The following NSUN6 variants were observed in gnomAD, a reference collection of about 807,000 sequenced individuals.
NSUN6 encodes tRNA (cytosine(72)-C(5))-methyltransferase NSUN6.
Under a neutral mutation model 58.0 loss-of-function variants are expected in NSUN6, and 64 were observed. The ratio of observed to expected loss-of-function variants is 1.10; its 90% CI spans 0.90 to 1.36. The LOEUF (loss-of-function observed/expected upper bound fraction) is 1.36, where lower values mean the gene tolerates loss of function less well. Among genes scored for constraint, NSUN6 ranks in the 40% most tolerant of loss-of-function variants. NSUN6 has a pLI of 0.00. For missense variants in NSUN6, 701 were observed against 550.1 expected, an observed-to-expected ratio of 1.27 and a Z score of -2.74; for synonymous variants, 231 against 193.9, an observed-to-expected ratio of 1.19 and a Z score of -1.59.
chr10:18,648,477 A>T lies in NSUN6; in HGVS notation c.231+13T>A. On this transcript the variant is annotated intron_variant, in intron 2 of 10. Transcript: ENST00000377304. Reference sequence around the variant, plus strand: ...ATGTAATTATGTACAAATGACAGAAAATTTCCACAAACCTTCTGAAGTTCA... The same window carrying T: ...ATGTAATTATGTACAAATGACAGAATATTTCCACAAACCTTCTGAAGTTCA... 1 of 1,571,274 alleles carries T rather than the reference A, an allele frequency of 6.4e-7. No individual in the cohort carries two copies. Among genetic ancestry groups the T allele is most frequent in the Non-Finnish European group, 8.7e-7 (1 of 1,149,076 alleles).
chr10:18,557,017 T>C (rs1223970015), intron 8 of NSUN6, among the ~76,000 whole-genome samples: 3 of 136,242 alleles, frequency 2.2e-5, no homozygotes, highest in African/African-American at 8.3e-5. Context: ...ATAGAATAGA[T>C]AGTGGAATGG....
chr10:18,560,472 G>A (rs2055408655), intron 8 of NSUN6, among the ~76,000 whole-genome samples: 1 of 151,254 alleles, frequency 6.6e-6, no homozygotes, highest in Non-Finnish European at 1.5e-5. Context: ...GAATAGAAAG[G>A]AATGGAGAAT....
intron 1 of NSUN6, among the ~76,000 whole-genome samples, chr10:18,649,841 T>C (rs887104018): frequency 6.6e-6 from 1 of 152,196 alleles, no homozygotes; most frequent in Admixed American, 6.5e-5. Context: ...TCTCCTAATA[T>C]GTGCCTTATA....
chr10:18,625,840 C>A (rs980553199), intron 3 of NSUN6, among the ~76,000 whole-genome samples: 3 of 147,174 alleles, frequency 2.0e-5, no homozygotes, highest in Non-Finnish European at 4.5e-5. Context: ...GATCTCCAAT[C>A]AAAAGACAAC....
chr10:18,602,124 C>A (rs1158934842), intron 6 of NSUN6, among the ~76,000 whole-genome samples: 3 of 151,664 alleles, frequency 2.0e-5, no homozygotes, highest in Non-Finnish European at 4.4e-5. Flanking sequence ...AATGCAGTGG[C>A]GCAATCTCAG....
rs117221367 is a variant in NSUN6 at position 18,563,314 on chromosome 10, A to C, written c.923-11343T>G. Among the ~76,000 whole-genome samples the C allele has an allele frequency of 1.6e-3, 248 of 151,432 alleles. 3 individuals carry two copies. In the East Asian group the frequency reaches 0.042, roughly 25 times the overall value. The stretch of plus-strand genomic sequence containing the variant: ...GAATCGAGAATGCAGAATGGAATGG[A>C]GAATGTAATTGATTACAGAATGGAA... On this transcript the variant is annotated intron_variant, in intron 8 of 10. Transcript: ENST00000377304.
At chr10:18,554,114 G>C (rs933136705) in intron 8 of NSUN6, among the ~76,000 whole-genome samples, 1 of 151,146 alleles carries the variant, frequency 6.6e-6, no homozygotes, top group Non-Finnish European at 1.5e-5. Flanking sequence ...CAGGAATGGA[G>C]AAGGGAATAG....
chr10:18,586,863 G>A (rs1589966575), intron 7 of NSUN6, among the ~76,000 whole-genome samples: 1 of 152,152 alleles, frequency 6.6e-6, no homozygotes. Flanking sequence ...ACAGAGCGCT[G>A]ATTGGTCCAT....
intron 3 of NSUN6, among the ~76,000 whole-genome samples, chr10:18,622,236 G>C (rs1473263715): frequency 6.6e-6 from 1 of 152,110 alleles, no homozygotes; most frequent in Non-Finnish European, 1.5e-5. Context: ...CTTTATACGA[G>C]ACCAAAGAGC....
chr10:18,603,314 C>A (rs545999115), intron 6 of NSUN6, among the ~76,000 whole-genome samples: 1 of 152,206 alleles, frequency 6.6e-6, no homozygotes, highest in Admixed American at 6.5e-5. Flanking sequence ...TTCATTTACT[C>A]CACAAAATGT....
At chr10:18,600,993 T>TATA (rs1554870074) in intron 6 of NSUN6, among the ~76,000 whole-genome samples, 2 of 126,412 alleles carry the variant, frequency 1.6e-5, no homozygotes, top group Non-Finnish European at 3.3e-5. Flanking sequence ...TATATATATA[T>TATA]TATATACTAG....
chr10:18,578,817 T>C (rs1054826306), intron 8 of NSUN6, among the ~76,000 whole-genome samples: 2 of 152,148 alleles, frequency 1.3e-5, no homozygotes, highest in Non-Finnish European at 2.9e-5. Flanking sequence ...GTATCAATGA[T>C]CTTGTACCAT....
chr10:18,619,898 T>G lies in NSUN6; in HGVS notation c.312-3605A>C, dbSNP rs989880000. On this transcript the variant is annotated intron_variant, in intron 3 of 10. Coordinates refer to ENST00000377304, the MANE Select transcript of NSUN6 (RefSeq NM_182543.5). ...ATGTCTGTGTGTGTGGTATCACACA[T>G]AACATTTCATTAAATATTTTTACTA... Among the ~76,000 whole-genome samples the G allele has an allele frequency of 6.6e-5, 10 of 152,270 alleles. No individual in the cohort carries two copies. In the East Asian group the frequency reaches 1.9e-3, roughly 29 times the overall value.
chr10:18,622,399 T>C (rs2058641308), intron 3 of NSUN6, among the ~76,000 whole-genome samples: 1 of 152,148 alleles, frequency 6.6e-6, no homozygotes, highest in Non-Finnish European at 1.5e-5. Context: ...AGTACTGACA[T>C]GAGTGACAAG....
intron 8 of NSUN6, among the ~76,000 whole-genome samples, chr10:18,580,328 A>G (rs1471443700): frequency 6.6e-6 from 1 of 152,152 alleles, no homozygotes; most frequent in East Asian, 1.9e-4. Context: ...CGAAGCTCAG[A>G]ATAAGATCCA....
chr10:18,571,584 A>G (rs928115839), intron 8 of NSUN6, among the ~76,000 whole-genome samples: 1 of 145,234 alleles, frequency 6.9e-6, no homozygotes, highest in Non-Finnish European at 1.5e-5. Flanking sequence ...TCCAATGTCC[A>G]TTCCATTCCA....
chr10:18,569,873 CTCCAT>C (rs1314563212), intron 8 of NSUN6, among the ~76,000 whole-genome samples: 1 of 150,398 alleles, frequency 6.6e-6, no homozygotes, highest in Non-Finnish European at 1.5e-5. Context: ...CCATTCCATT[CTCCAT>C]TCCATTCCAT....
intron 10 of NSUN6, among the ~76,000 whole-genome samples, chr10:18,546,806 A>C (rs1302775146): frequency 1.3e-5 from 2 of 152,040 alleles, no homozygotes; most frequent in African/African-American, 4.8e-5. Context: ...CGGGAGACAG[A>C]GGTTGCAGAG....
At chr10:18,639,296 C>T (rs1017120407) in intron 3 of NSUN6, among the ~76,000 whole-genome samples, 21 of 152,178 alleles carry the variant, frequency 1.4e-4, no homozygotes, top group African/African-American at 5.1e-4. Flanking sequence ...AGTTGGAAAC[C>T]AGCCTGGCCA....
Sources: gnomAD v4.1 joint callset for allele counts (sites outside exome capture counted in the v4.1 genomes callset) on GRCh38, gnomAD v4.1.1 for gene constraint, MANE v1.5 for transcripts, NCBI Gene and HGNC (gene_info 2026-07-23, HGNC 2026-07-21) for gene names.